The following WDR59 variants were observed in gnomAD, a reference collection of about 807,000 sequenced individuals.
The protein encoded by WDR59 is GATOR2 complex protein WDR59.
In WDR59, 100 loss-of-function variants were observed where a neutral mutation model predicts 131.2. The observed-to-expected ratio is 0.76, with a 90% CI of 0.65 to 0.90. The LOEUF (loss-of-function observed/expected upper bound fraction) is 0.90, where lower values mean the gene tolerates loss of function less well. WDR59 is among the 40% of genes least tolerant of loss of function. The probability of loss-of-function intolerance (pLI) is 0.00; values close to 1 mark genes in which losing one functional copy is unlikely to be tolerated. For synonymous variants in WDR59, 601 were observed against 466.2 expected (o/e 1.29, Z -3.72); for missense variants, 1,203 against 1,262.2 (o/e 0.95, Z 0.71).
chr16:74,984,632 G>T (rs1455179425), intron 1 of WDR59: 3 of 354,290 alleles, frequency 8.5e-6, no homozygotes, highest in South Asian at 4.8e-5. Flanking sequence ...CTAGGGCCTC[G>T]GGAAGCCGTC....
At chr16:74,919,853 G>C (rs2029998307) in intron 10 of WDR59, among the ~76,000 whole-genome samples, 1 of 152,020 alleles carries the variant, frequency 6.6e-6, no homozygotes, top group Non-Finnish European at 1.5e-5. Context: ...GCATGAAGTG[G>C]TCCAATAAAA....
intron 18 of WDR59, among the ~76,000 whole-genome samples, chr16:74,899,147 C>T (rs749412098): frequency 7.2e-5 from 11 of 152,036 alleles, no homozygotes; most frequent in Admixed American, 2.6e-4. Flanking sequence ...ATGTCCACAG[C>T]GGAGGTTTTA....
intron 18 of WDR59, among the ~76,000 whole-genome samples, chr16:74,899,233 G>A (rs997848823): frequency 5.3e-5 from 8 of 152,162 alleles, no homozygotes; most frequent in African/African-American, 1.9e-4. Flanking sequence ...GCTAGCTTCC[G>A]TGTTATGCCA....
intron 24 of WDR59, 187 bp downstream of exon 24, chr16:74,886,083 C>T: frequency 1.3e-6 from 1 of 764,076 alleles, no homozygotes; most frequent in Non-Finnish European, 2.0e-6. Context: ...GAGGCTGAGG[C>T]AGGAGAATCA....
intron 1 of WDR59, among the ~76,000 whole-genome samples, chr16:74,984,434 G>A (rs953434420): frequency 4.6e-5 from 7 of 152,180 alleles, no homozygotes; most frequent in Non-Finnish European, 8.8e-5. Context: ...CGGGCAACAC[G>A]TGCAGTGTCA....
chr16:74,880,826 C>G (rs987928938), intron 25 of WDR59, among the ~76,000 whole-genome samples: 1 of 152,168 alleles, frequency 6.6e-6, no homozygotes, highest in Non-Finnish European at 1.5e-5. Flanking sequence ...AAGTAAACTC[C>G]AAAGGTGCAG....
chr16:74,874,199 T>A lies in WDR59; in HGVS notation c.*10A>T. 1 of 1,610,496 alleles carries A rather than the reference T, an allele frequency of 6.2e-7. No homozygotes were observed. The highest frequency in any genetic ancestry group is 8.5e-7 in the Non-Finnish European group (1 of 1,177,600). On this transcript the variant is annotated 3_prime_UTR_variant, in exon 26 of 26. Coordinates refer to ENST00000262144, the MANE Select transcript of WDR59 (RefSeq NM_030581.4). ...TCTGGGATTTCAGACAATACCCAAC[T>A]TCTGTAGGTTCAGAAAGTGCTTTCA...
At chr16:74,901,677 C>A (rs1392576681) in intron 18 of WDR59, among the ~76,000 whole-genome samples, 2 of 151,116 alleles carry the variant, frequency 1.3e-5, no homozygotes, top group Non-Finnish European at 2.9e-5. Flanking sequence ...AATTCCAAAA[C>A]CACAAAACAC....
rs1167705215 is a variant in WDR59 at position 74,871,692 on chromosome 16, C to T, written c.*2517G>A. On this transcript the variant is annotated 3_prime_UTR_variant, in exon 26 of 26. Transcript: ENST00000262144. The stretch of plus-strand genomic sequence containing the variant: ...GTGGGGAACAGGAAAAGATTGCTCT[C>T]TGCAAATGGTGTGATTTCACTGAGG... 3 of 152,210 alleles carry T rather than the reference C, an allele frequency of 2.0e-5. No homozygotes were observed. The highest frequency in any genetic ancestry group is 4.8e-5 in the African/African-American group (2 of 41,458). The allele number at this position is 152,210 out of a possible 1,614,324, so 9.4% of individuals were successfully genotyped here. A position where few individuals can be genotyped will look rare whatever the true frequency, so the allele number is the denominator to read the frequency against.
chr16:74,979,288 C>T (rs2034305963), intron 1 of WDR59, among the ~76,000 whole-genome samples: 1 of 151,482 alleles, frequency 6.6e-6, no homozygotes, highest in Non-Finnish European at 1.5e-5. Flanking sequence ...CACAGTGAAA[C>T]CCCATCTCTA....
chr16:74,922,421 A>T (rs538058717), intron 9 of WDR59, among the ~76,000 whole-genome samples: 11 of 152,350 alleles, frequency 7.2e-5, no homozygotes, highest in Admixed American at 7.2e-4. Context: ...GCTACTCTCC[A>T]TGAGTTACCA....
intron 1 of WDR59, among the ~76,000 whole-genome samples, chr16:74,981,640 A>ATTTTTTTTTTT (rs2034420302): frequency 2.6e-4 from 1 of 3,814 alleles, no homozygotes; most frequent in African/African-American, 6.3e-4. Flanking sequence ...ATATATATAT[A>ATTTTTTTTTTT]TATATATATA....
chr16:74,939,631 A>G (rs1209144984), intron 7 of WDR59, among the ~76,000 whole-genome samples: 1 of 151,856 alleles, frequency 6.6e-6, no homozygotes, highest in Non-Finnish European at 1.5e-5. Context: ...TTATTTTTTC[A>G]TTTATATTTT....
chr16:74,960,606 T>G (rs1384813359), intron 2 of WDR59, among the ~76,000 whole-genome samples: 1 of 150,854 alleles, frequency 6.6e-6, no homozygotes, highest in Non-Finnish European at 1.5e-5. Flanking sequence ...TTAGCTGGGC[T>G]TGGTGGCGCT....
intron 8 of WDR59, among the ~76,000 whole-genome samples, chr16:74,925,460 C>G (rs1367508813): frequency 6.7e-6 from 1 of 149,440 alleles, no homozygotes; most frequent in Non-Finnish European, 1.5e-5. Flanking sequence ...ACAAGAATTG[C>G]TTGAACCCGG....
chr16:74,910,030 CG>C, intron 14 of WDR59, 113 bp from the exon 15 acceptor site: 1 of 865,324 alleles, frequency 1.2e-6, no homozygotes, highest in Middle Eastern at 3.6e-4. Context: ...TGTAGTGGTA[CG>C]ATCTCGGCTC....
intron 25 of WDR59, among the ~76,000 whole-genome samples, chr16:74,885,039 G>A (rs1964687859): frequency 6.6e-6 from 1 of 152,216 alleles, no homozygotes; most frequent in Non-Finnish European, 1.5e-5. Flanking sequence ...TCCATGGGGG[G>A]AAGGAATGTG....
At position 74,897,787 on chromosome 16, in the gene WDR59, G is replaced by T. The variant is rs76511164; in HGVS notation, c.1867-3975C>A. On this transcript the variant is annotated intron_variant, in intron 18 of 25. Coordinates refer to ENST00000262144, the MANE Select transcript of WDR59 (RefSeq NM_030581.4). ...AAAACATTGTCAAAAATCTCTAAGG[G>T]GCTGCAAAATACTGTCACTGTCGGT... Among the ~76,000 whole-genome samples, 111 of 152,290 alleles carry T rather than the reference G, an allele frequency of 7.3e-4. 2 individuals carry two copies. In the East Asian group the frequency reaches 0.02, roughly 27 times the overall value.
intron 11 of WDR59, among the ~76,000 whole-genome samples, chr16:74,916,557 G>C (rs1029461176): frequency 3.3e-5 from 5 of 152,114 alleles, no homozygotes; most frequent in African/African-American, 1.2e-4. Context: ...AGCTAATCCA[G>C]GAGCAAAAAT....
Sources: allele counts gnomAD v4.1 joint callset (sites outside exome capture counted in the v4.1 genomes callset), GRCh38; gene constraint gnomAD v4.1.1; transcripts MANE v1.5; gene names NCBI Gene and HGNC (gene_info 2026-07-23, HGNC 2026-07-21).